The following LGR5 variants were observed in gnomAD, a reference collection of about 807,000 sequenced individuals.
LGR5 encodes leucine rich repeat containing G protein-coupled receptor 5.
In LGR5, 54 loss-of-function variants were observed where a neutral mutation model predicts 76.7. That is an observed-to-expected ratio of 0.70 (90% CI 0.57 to 0.88). The LOEUF (loss-of-function observed/expected upper bound fraction) is 0.88, where lower values mean the gene tolerates loss of function less well. Among genes scored for constraint, LGR5 ranks in the 40% least tolerant of loss-of-function variants. The pLI is 0.00. For missense variants in LGR5, 1,078 were observed against 1,073.3 expected, an observed-to-expected ratio of 1.00 and a Z score of -0.06; for synonymous variants, 406 against 421.9, an observed-to-expected ratio of 0.96 and a Z score of 0.46.
intron 3 of LGR5, among the ~76,000 whole-genome samples, chr12:71,525,179 A>G (rs1016651887): frequency 3.3e-5 from 5 of 152,154 alleles, no homozygotes; most frequent in Admixed American, 2.6e-4. Context: ...TATCTCAGAA[A>G]AAAAATCCTG....
intron 5 of LGR5, among the ~76,000 whole-genome samples, chr12:71,554,777 G>A (rs1006332591): frequency 5.3e-5 from 8 of 152,134 alleles, no homozygotes; most frequent in African/African-American, 1.9e-4. Flanking sequence ...CATTTGCACA[G>A]TTTTTTCCCA....
intron 1 of LGR5, among the ~76,000 whole-genome samples, chr12:71,485,922 C>T (rs1212886757): frequency 6.6e-6 from 1 of 151,936 alleles, no homozygotes; most frequent in African/African-American, 2.4e-5. Flanking sequence ...TCCGCCACCA[C>T]ACTCAGCTAA....
intron 4 of LGR5, among the ~76,000 whole-genome samples, chr12:71,544,513 C>T (rs1365092251): frequency 6.7e-6 from 1 of 148,370 alleles, no homozygotes; most frequent in Non-Finnish European, 1.5e-5. Flanking sequence ...TTTGGAATCA[C>T]ACATTATGGT....
intron 4 of LGR5, among the ~76,000 whole-genome samples, chr12:71,545,337 G>A (rs1037371638): frequency 3.3e-5 from 5 of 151,990 alleles, no homozygotes. Flanking sequence ...GGTCCCAGCT[G>A]CTCTGCTGGG....
chr12:71,514,534 C>T (rs1875339443), intron 2 of LGR5, among the ~76,000 whole-genome samples: 1 of 147,214 alleles, frequency 6.8e-6, no homozygotes, highest in Non-Finnish European at 1.5e-5. Flanking sequence ...CGCCACTGCA[C>T]TCCAGCCTGG....
At chr12:71,573,443 C>A (rs1878706063) in intron 13 of LGR5, among the ~76,000 whole-genome samples, 1 of 152,094 alleles carries the variant, frequency 6.6e-6, no homozygotes, top group Non-Finnish European at 1.5e-5. Context: ...CACAGCTGTT[C>A]TAGAATCACT....
chr12:71,569,959 C>A (rs1878526284), intron 11 of LGR5, among the ~76,000 whole-genome samples: 1 of 152,158 alleles, frequency 6.6e-6, no homozygotes, highest in South Asian at 2.1e-4. Flanking sequence ...ACATATACAC[C>A]ATGGAATACT....
chr12:71,493,975 G>A (rs183578990), intron 1 of LGR5, among the ~76,000 whole-genome samples: 2 of 141,278 alleles, frequency 1.4e-5, no homozygotes, highest in African/African-American at 2.8e-5. Flanking sequence ...ATGGAGTCTC[G>A]CTCTGTCCCC....
chr12:71,444,539 A>G (rs939245127), intron 1 of LGR5, among the ~76,000 whole-genome samples: 6 of 152,280 alleles, frequency 3.9e-5, no homozygotes, highest in South Asian at 2.1e-4. Context: ...GAATTTTTAC[A>G]TATAATAAAC....
At chr12:71,455,713 AACTT>A (rs1356408937) in intron 1 of LGR5, among the ~76,000 whole-genome samples, 2 of 152,160 alleles carry the variant, frequency 1.3e-5, no homozygotes, top group Admixed American at 6.5e-5. Context: ...TAACTTCATA[AACTT>A]ACTTTAAGCT....
At chr12:71,512,651 G>A (rs1481871835) in intron 2 of LGR5, among the ~76,000 whole-genome samples, 1 of 152,140 alleles carries the variant, frequency 6.6e-6, no homozygotes, top group Non-Finnish European at 1.5e-5. Flanking sequence ...TTGAACATAG[G>A]GACTAAAGGG....
chr12:71,536,773 G>GA (rs1390934233), intron 4 of LGR5, among the ~76,000 whole-genome samples: 1 of 152,164 alleles, frequency 6.6e-6, no homozygotes, highest in African/African-American at 2.4e-5. Flanking sequence ...AGAAAACCAT[G>GA]AATCTTTTGT....
In LGR5 at chr12:71,439,907, C is replaced by T. The variant is rs1337636594; in HGVS notation, c.-174C>T. 2 of 587,566 alleles carry T rather than the reference C, an allele frequency of 3.4e-6. No homozygotes were observed. Among genetic ancestry groups the T allele is most frequent in the Admixed American group, 3.6e-5 (1 of 27,906 alleles). 36.4% of individuals were successfully genotyped at this position (587,566 alleles called of 1,614,324 possible). ...TGGCGGCAACCGGCACCTCTGTCCC[C>T]GCCGCGCTTCTCCTCGCCGCCCACG... On this transcript the variant is annotated 5_prime_UTR_variant, in exon 1 of 18. Transcript: ENST00000266674.
intron 1 of LGR5, among the ~76,000 whole-genome samples, chr12:71,502,914 T>C (rs938903231): frequency 1.3e-5 from 2 of 152,220 alleles, no homozygotes; most frequent in African/African-American, 4.8e-5. Flanking sequence ...ATGTTTGTTC[T>C]GAAGTGATTT....
chr12:71,525,406 C>CTT (rs58322918), intron 3 of LGR5, among the ~76,000 whole-genome samples: 273 of 145,286 alleles, frequency 1.9e-3, no homozygotes, highest in African/African-American at 6.0e-3. Flanking sequence ...TCTTTTCTTT[C>CTT]TTTTTTTTTT....
At chr12:71,554,204 G>T (rs1877645944) in intron 5 of LGR5, among the ~76,000 whole-genome samples, 1 of 152,208 alleles carries the variant, frequency 6.6e-6, no homozygotes, top group Non-Finnish European at 1.5e-5. Flanking sequence ...AGATAGTTTG[G>T]CTAGCAGGGA....
At chr12:71,476,759 T>C (rs756957932) in intron 1 of LGR5, among the ~76,000 whole-genome samples, 1 of 152,100 alleles carries the variant, frequency 6.6e-6, no homozygotes, top group African/African-American at 2.4e-5. Context: ...GGGAAAGAAA[T>C]CTGTTGGGAA....
chr12:71,442,161 C>A (rs1871796089), intron 1 of LGR5, among the ~76,000 whole-genome samples: 1 of 152,116 alleles, frequency 6.6e-6, no homozygotes, highest in South Asian at 2.1e-4. Flanking sequence ...ATGAATAGTT[C>A]CAGATTGCTT....
chr12:71,506,014 G>C (rs573925630), intron 2 of LGR5, among the ~76,000 whole-genome samples: 24 of 152,146 alleles, frequency 1.6e-4, no homozygotes, highest in Admixed American at 1.4e-3. Flanking sequence ...AATTTTTAAT[G>C]AATAAACTAA....
Sources: gnomAD v4.1 joint callset for allele counts (sites outside exome capture counted in the v4.1 genomes callset) on GRCh38, gnomAD v4.1.1 for gene constraint, MANE v1.5 for transcripts, NCBI Gene and HGNC (gene_info 2026-07-23, HGNC 2026-07-21) for gene names.